The following ILRUN variants were observed in gnomAD, a reference collection of about 807,000 sequenced individuals.
ILRUN encodes the protein protein ILRUN.
A neutral mutation model predicts 33.8 loss-of-function variants in ILRUN; 3 were observed. The observed-to-expected ratio is 0.09, with a 90% confidence interval of 0.04 to 0.23. ILRUN has a LOEUF of 0.23. ILRUN is among the 10% of genes least tolerant of loss of function. The pLI, the probability that ILRUN is intolerant of heterozygous loss-of-function variation, is 1.00. For missense variants in ILRUN, 210 were observed against 375.1 expected, an observed-to-expected ratio of 0.56 and a Z score of 3.64; for synonymous variants, 124 against 138.9, an observed-to-expected ratio of 0.89 and a Z score of 0.75.
intron 1 of ILRUN, among the ~76,000 whole-genome samples, chr6:34,672,644 T>TA (rs1202650405): frequency 4.6e-5 from 7 of 151,574 alleles, no homozygotes; most frequent in Admixed American, 1.3e-4. Context: ...ACTAAAGTAA[T>TA]AAAAAAATGC....
chr6:34,646,110 T>A lies in ILRUN; in HGVS notation c.511+491A>T, dbSNP rs10484266. ...GGGAGTGGATAAAGGATAAATTGGG[T>A]TGAAGAGTGAATGGAAAATGTGAAA... On this transcript the variant is annotated intron_variant, in intron 3 of 4. Coordinates refer to ENST00000374023, the MANE Select transcript of ILRUN (RefSeq NM_024294.4). The surrounding 1 kb of genome is among the most constrained non-coding windows in gnomAD (Gnocchi z 4.9). Among the ~76,000 whole-genome samples the A allele has an allele frequency of 7.4e-3, 1,133 of 152,242 alleles. 48 individuals carry two copies. The highest frequency in any genetic ancestry group is 0.068 in the Admixed American group (1,035 of 15,288).
rs372425722 is a variant in ILRUN at position 34,646,809 on chromosome 6, G to A, written c.314-11C>T. ...GCCAGGCCTCTGCCCCTGAGTTCAA[G>A]CAAAAGAAAAAAATGTTAGGCAATC... On this transcript the variant is annotated splice_polypyrimidine_tract_variant and intron_variant, in intron 2 of 4. Coordinates refer to ENST00000374023, the MANE Select transcript of ILRUN (RefSeq NM_024294.4). The surrounding 1 kb of genome is among the most constrained non-coding windows in gnomAD (Gnocchi z 4.9). The A allele has an allele frequency of 3.7e-6, 6 of 1,612,226 alleles. No homozygotes were observed. Among genetic ancestry groups the A allele is most frequent in the Non-Finnish European group, 5.1e-6 (6 of 1,179,670 alleles).
chr6:34,620,839 A>G (rs1029149567), intron 3 of ILRUN, among the ~76,000 whole-genome samples: 9 of 152,218 alleles, frequency 5.9e-5, no homozygotes, highest in African/African-American at 2.2e-4. Context: ...AAAAATAATA[A>G]TACATTTTAA....
In ILRUN at chr6:34,604,069, C is replaced by T. The variant is rs115735763; in HGVS notation, c.861+2486G>A. ...TGGCATCTAAGTTTCACATTTTCAA[C>T]GCATTATAGTCAACAGTCTATCTCT... On this transcript the variant is annotated intron_variant, in intron 4 of 4. Transcript: ENST00000374023. Among the ~76,000 whole-genome samples, 637 of 152,324 alleles carry T rather than the reference C, an allele frequency of 4.2e-3. 4 individuals carry two copies. The highest frequency in any genetic ancestry group is 0.014 in the African/African-American group (579 of 41,574).
chr6:34,627,394 G>A (rs1403418850), intron 3 of ILRUN, among the ~76,000 whole-genome samples: 3 of 152,172 alleles, frequency 2.0e-5, no homozygotes, highest in Admixed American at 1.3e-4. Context: ...GTGAATGTAA[G>A]TTTTCAACAT....
intron 3 of ILRUN, among the ~76,000 whole-genome samples, chr6:34,609,482 C>A (rs1362500337): frequency 1.3e-5 from 2 of 150,796 alleles, no homozygotes; most frequent in African/African-American, 4.9e-5. Flanking sequence ...AGAGTAAGAG[C>A]CTATCTCAAA....
chr6:34,639,813 C>T (rs551677800), intron 3 of ILRUN, among the ~76,000 whole-genome samples: 1 of 152,216 alleles, frequency 6.6e-6, no homozygotes, highest in East Asian at 1.9e-4. Flanking sequence ...AACTATAATT[C>T]GTAACTAATT....
chr6:34,651,940 G>A (rs905233662), intron 2 of ILRUN, among the ~76,000 whole-genome samples: 1 of 151,888 alleles, frequency 6.6e-6, no homozygotes, highest in Non-Finnish European at 1.5e-5. Flanking sequence ...CTACAGGCAT[G>A]CAACACCATG....
intron 3 of ILRUN, among the ~76,000 whole-genome samples, chr6:34,638,662 AC>A (rs1473127385): frequency 6.6e-6 from 1 of 152,032 alleles, no homozygotes; most frequent in African/African-American, 2.4e-5. Context: ...CCGTGATCAC[AC>A]CACTGCATTC....
chr6:34,607,011 C>CTGTGGT, intron 3 of ILRUN, 107 bp from the exon 4 acceptor site: 1 of 801,462 alleles, frequency 1.2e-6, no homozygotes, highest in Non-Finnish European at 2.0e-6. Context: ...ATGAAACATT[C>CTGTGGT]TTCTATATGC....
chr6:34,663,977 T>C (rs535404258), intron 1 of ILRUN, among the ~76,000 whole-genome samples: 3 of 152,188 alleles, frequency 2.0e-5, no homozygotes, highest in South Asian at 2.1e-4. Flanking sequence ...AACTGAGAAA[T>C]AGCAGTGTAA....
At chr6:34,648,444 T>G (rs903933015) in intron 2 of ILRUN, among the ~76,000 whole-genome samples, 1 of 152,188 alleles carries the variant, frequency 6.6e-6, no homozygotes, top group Non-Finnish European at 1.5e-5. Flanking sequence ...CTGTGCTCCT[T>G]GGGTCTTAAG....
intron 1 of ILRUN, chr6:34,687,223 C>T (rs2744961): frequency 0.46 from 70,246 of 151,788 alleles, 18,083 homozygotes; most frequent in African/African-American, 0.71. Context: ...ACAAAATTCC[C>T]CTGGGGGTGG....
At chr6:34,607,082 T>C (rs1761649502) in intron 3 of ILRUN, among the ~76,000 whole-genome samples, 178 bp from the exon 4 acceptor site, 1 of 152,250 alleles carries the variant, frequency 6.6e-6, no homozygotes, top group South Asian at 2.1e-4. Context: ...CATAGCTACA[T>C]TTTTGGTAAT....
intron 3 of ILRUN, among the ~76,000 whole-genome samples, chr6:34,624,314 ATTTAT>A (rs1371234647): frequency 6.6e-6 from 1 of 151,754 alleles, no homozygotes; most frequent in Non-Finnish European, 1.5e-5. Context: ...TAATTACCTA[ATTTAT>A]TTTTTTATTT....
chr6:34,626,928 C>G (rs1323065262), intron 3 of ILRUN, among the ~76,000 whole-genome samples: 1 of 151,938 alleles, frequency 6.6e-6, no homozygotes, highest in Non-Finnish European at 1.5e-5. Flanking sequence ...TTGCTTGAAC[C>G]TGGGAGGCAG....
chr6:34,695,871 A>C (rs1581567612), intron 1 of ILRUN, among the ~76,000 whole-genome samples: 7 of 126,812 alleles, frequency 5.5e-5, no homozygotes, highest in Admixed American at 8.5e-5. Context: ...CCATAATATC[A>C]CCCCCTTTTC....
In ILRUN at chr6:34,692,589, T is replaced by C. The variant is rs73413867; in HGVS notation, c.158+3857A>G. ...ATTAAGTATGCATGCATGCACATTA[T>C]GTGTATATGTATTTACCTAGATTTC... On this transcript the variant is annotated intron_variant, in intron 1 of 4. Transcript: ENST00000374023. Among the ~76,000 whole-genome samples the C allele has an allele frequency of 6.6e-3, 1,004 of 152,250 alleles. 12 individuals are homozygous for C. The highest frequency in any genetic ancestry group is 0.021 in the African/African-American group (859 of 41,524).
At chr6:34,616,116 T>C (rs1761887221) in intron 3 of ILRUN, among the ~76,000 whole-genome samples, 1 of 152,164 alleles carries the variant, frequency 6.6e-6, no homozygotes, top group African/African-American at 2.4e-5. Flanking sequence ...TGGTTAAAGG[T>C]ATAGCTGAGA....
Sources: gnomAD v4.1 joint callset for allele counts (sites outside exome capture counted in the v4.1 genomes callset) on GRCh38, gnomAD v4.1.1 for gene constraint, Gnocchi (gnomAD v3.1) non-coding constraint, MANE v1.5 for transcripts, NCBI Gene and HGNC (gene_info 2026-07-23, HGNC 2026-07-21) for gene names.